Variants in THADA observed in about 807,000 individuals in gnomAD.
THADA encodes THADA armadillo repeat containing.
A neutral mutation model predicts 219.8 loss-of-function variants in THADA; 213 were observed. The ratio of observed to expected loss-of-function variants is 0.97; its 90% CI spans 0.87 to 1.09. The LOEUF is 1.09. Ranked by LOEUF, THADA falls within the 50% of genes least tolerant of loss-of-function variation. The pLI is 0.00. For missense variants in THADA, 2,956 were observed against 2,311.3 expected (o/e 1.28, Z -5.72); for synonymous variants, 1,018 against 828.9 (o/e 1.23, Z -3.92).
At position 43,523,805 on chromosome 2, in the gene THADA, C is replaced by T. The variant is rs184036205; in HGVS notation, c.3374+4074G>A. 6.6e-5 allele frequency among the ~76,000 whole-genome samples: 10 copies of T among 152,170 alleles called. No homozygotes were observed. The East Asian group carries it at 7.7e-4, about 12-fold the overall frequency. The stretch of plus-strand genomic sequence containing the variant: ...AAGCTACATTACAAGTAAAGCAATT[C>T]GAATATTTGAAGAGTAAGACAACAT... On this transcript the variant is annotated intron_variant, in intron 22 of 37. Transcript: ENST00000405975.
rs6741072 is a variant in THADA, at chr2:43,267,870, C to T, written c.5296+11895G>A. Among the ~76,000 whole-genome samples, 726 of 152,274 alleles carry T rather than the reference C, an allele frequency of 4.8e-3. 5 individuals carry two copies. Among genetic ancestry groups the T allele is most frequent in the African/African-American group, 0.017 (687 of 41,530 alleles). The stretch of plus-strand genomic sequence containing the variant: ...TCTTACAGATGCCAAATCTATACCC[C>T]GACTAAAACACCAGCTGTTTCATGC... On this transcript the variant is annotated intron_variant, in intron 36 of 37. Transcript: ENST00000405975.
At chr2:43,473,633 CAG>C (rs1685178577) in intron 26 of THADA, among the ~76,000 whole-genome samples, 1 of 151,048 alleles carries the variant, frequency 6.6e-6, no homozygotes, top group Non-Finnish European at 1.5e-5. Flanking sequence ...TTTTTTGAGA[CAG>C]AGTCTCACTC....
intron 30 of THADA, among the ~76,000 whole-genome samples, chr2:43,330,544 C>G (rs1052462378): frequency 2.0e-5 from 3 of 152,314 alleles, no homozygotes; most frequent in African/African-American, 7.2e-5. Flanking sequence ...CAGGCCAGCG[C>G]ACTGCCGTAA....
intron 26 of THADA, among the ~76,000 whole-genome samples, chr2:43,481,365 T>C (rs1686196530): frequency 6.6e-6 from 1 of 152,206 alleles, no homozygotes; most frequent in South Asian, 2.1e-4. Flanking sequence ...TACTAAATTA[T>C]CCTAAGCTAT....
At chr2:43,322,355 T>C (rs1470722913) in intron 30 of THADA, among the ~76,000 whole-genome samples, 11 of 151,644 alleles carry the variant, frequency 7.3e-5, no homozygotes, top group Non-Finnish European at 1.2e-4. Flanking sequence ...AACACAAAAA[T>C]GAGCCGGGCA....
chr2:43,487,529 C>G (rs1424476156), intron 25 of THADA, among the ~76,000 whole-genome samples: 1 of 152,138 alleles, frequency 6.6e-6, no homozygotes, highest in Non-Finnish European at 1.5e-5. Flanking sequence ...TTAAGATGGA[C>G]CAGACAGTTC....
intron 36 of THADA, among the ~76,000 whole-genome samples, chr2:43,241,966 C>T (rs1302496372): frequency 1.3e-5 from 2 of 152,236 alleles, no homozygotes; most frequent in Non-Finnish European, 2.9e-5. Flanking sequence ...GGCCTTCCCC[C>T]TCCCTCCAAC....
chr2:43,471,092 A>G (rs1232702261), intron 26 of THADA, among the ~76,000 whole-genome samples: 4 of 152,200 alleles, frequency 2.6e-5, no homozygotes, highest in African/African-American at 9.7e-5. Flanking sequence ...AGGTCTCTAA[A>G]GGTCCGTGGT....
intron 31 of THADA, among the ~76,000 whole-genome samples, chr2:43,318,392 A>T (rs942148799): frequency 6.6e-6 from 1 of 152,190 alleles, no homozygotes; most frequent in African/African-American, 2.4e-5. Context: ...AATTTTGATA[A>T]TACATTTTAA....
chr2:43,464,143 A>G (rs983208630), intron 26 of THADA, among the ~76,000 whole-genome samples: 1 of 152,202 alleles, frequency 6.6e-6, no homozygotes, highest in African/African-American at 2.4e-5. Flanking sequence ...CGTGAGGCTT[A>G]ATATGGTTAG....
intron 36 of THADA, among the ~76,000 whole-genome samples, chr2:43,235,812 A>T (rs1261633132): frequency 7.0e-6 from 1 of 143,112 alleles, no homozygotes; most frequent in East Asian, 2.1e-4. Flanking sequence ...ATCCTGCACC[A>T]TTTTTTTTTT....
intron 23 of THADA, among the ~76,000 whole-genome samples, chr2:43,508,124 G>T (rs1036547219): frequency 1.3e-5 from 2 of 152,046 alleles, no homozygotes; most frequent in Non-Finnish European, 2.9e-5. Flanking sequence ...AGAATATATG[G>T]ATGATAATAG....
At chr2:43,508,538 C>A in intron 23 of THADA, 110 bp downstream of exon 23, 1 of 1,100,016 alleles carries the variant, frequency 9.1e-7, no homozygotes. Context: ...GCTGAAAAGA[C>A]AGAAATGTCC....
At chr2:43,590,386 G>A (rs748212104) in intron 4 of THADA, among the ~76,000 whole-genome samples, 21 of 152,040 alleles carry the variant, frequency 1.4e-4, no homozygotes, top group Non-Finnish European at 2.5e-4. Context: ...CTTTTAAAAA[G>A]TTGTAACTAG....
intron 7 of THADA, among the ~76,000 whole-genome samples, chr2:43,585,366 A>T (rs927788014): frequency 6.6e-6 from 1 of 150,854 alleles, no homozygotes; most frequent in Admixed American, 6.6e-5. Flanking sequence ...AAAAAAAAAA[A>T]AATTAGCCAA....
At chr2:43,539,863 G>A (rs554123713) in intron 21 of THADA, among the ~76,000 whole-genome samples, 9 of 151,494 alleles carry the variant, frequency 5.9e-5, no homozygotes, top group African/African-American at 1.7e-4. Context: ...CACGGCTGTC[G>A]CACACAAATT....
intron 26 of THADA, among the ~76,000 whole-genome samples, chr2:43,468,683 A>C (rs1684555399): frequency 6.6e-6 from 1 of 152,204 alleles, no homozygotes; most frequent in South Asian, 2.1e-4. Context: ...CACCAACTTA[A>C]GAATTTGGTA....
intron 28 of THADA, among the ~76,000 whole-genome samples, chr2:43,407,710 G>A (rs1675740667): frequency 6.6e-6 from 1 of 152,148 alleles, no homozygotes; most frequent in South Asian, 2.1e-4. Context: ...AAAAGGAAGT[G>A]AAGGTAGGAA....
chr2:43,532,741 G>C (rs1375207973), intron 21 of THADA, among the ~76,000 whole-genome samples: 1 of 152,182 alleles, frequency 6.6e-6, no homozygotes, highest in Non-Finnish European at 1.5e-5. Context: ...AGTATTGGAA[G>C]TTTTGGCCAG....
Sources: allele counts gnomAD v4.1 joint callset (sites outside exome capture counted in the v4.1 genomes callset), GRCh38; gene constraint gnomAD v4.1.1; transcripts MANE v1.5; gene names NCBI Gene and HGNC (gene_info 2026-07-23, HGNC 2026-07-21).